Variants in EHBP1 observed in about 807,000 individuals in gnomAD.
The protein encoded by EHBP1 is EH domain-binding protein 1.
Under a neutral mutation model 144.0 loss-of-function variants are expected in EHBP1, and 55 were observed. The ratio of observed to expected loss-of-function variants is 0.38; its 90% CI spans 0.31 to 0.48. The LOEUF is 0.48. Among genes scored for constraint, EHBP1 ranks in the 20% least tolerant of loss-of-function variants. The pLI, the probability that EHBP1 is intolerant of heterozygous loss-of-function variation, is 0.98. For synonymous variants in EHBP1, 469 were observed against 472.7 expected (o/e 0.99, Z 0.10); for missense variants, 1,200 against 1,364.2 (o/e 0.88, Z 1.90).
intron 5 of EHBP1, among the ~76,000 whole-genome samples, chr2:62,791,863 A>G (rs371605234): frequency 6.6e-6 from 1 of 151,996 alleles, no homozygotes; most frequent in Non-Finnish European, 1.5e-5. Context: ...GGTAGTTTAG[A>G]TATCTAGAGA....
intron 1 of EHBP1, among the ~76,000 whole-genome samples, chr2:62,686,466 G>T (rs1315762999): frequency 6.6e-6 from 1 of 152,046 alleles, no homozygotes; most frequent in African/African-American, 2.4e-5. Flanking sequence ...TATCCTGATC[G>T]CTGAAGCTCT....
chr2:62,740,580 A>G (rs768575864), intron 2 of EHBP1, among the ~76,000 whole-genome samples: 5 of 152,196 alleles, frequency 3.3e-5, no homozygotes, highest in Non-Finnish European at 5.9e-5. Context: ...ATGTTCGTTT[A>G]TGGCTAAGAG....
chr2:62,823,324 T>C (rs1257707490), intron 5 of EHBP1, among the ~76,000 whole-genome samples: 9 of 152,154 alleles, frequency 5.9e-5, no homozygotes, highest in Admixed American at 5.9e-4. Context: ...CACTCACTTT[T>C]GTATTGACTC....
intron 10 of EHBP1, among the ~76,000 whole-genome samples, chr2:62,926,399 T>A (rs1044392726): frequency 6.6e-6 from 1 of 152,006 alleles, no homozygotes; most frequent in Non-Finnish European, 1.5e-5. Flanking sequence ...AAAGACAACC[T>A]ACAGAATGGA....
intron 1 of EHBP1, among the ~76,000 whole-genome samples, chr2:62,677,417 A>G (rs1047796982): frequency 6.6e-6 from 1 of 152,034 alleles, no homozygotes; most frequent in Non-Finnish European, 1.5e-5. Flanking sequence ...AGATATTTTG[A>G]TACAGGAATG....
chr2:63,037,171 A>C (rs1467294553), intron 19 of EHBP1, among the ~76,000 whole-genome samples: 2 of 151,944 alleles, frequency 1.3e-5, no homozygotes. Context: ...GAGTCTCATA[A>C]TGATTTTTTA....
intron 1 of EHBP1, among the ~76,000 whole-genome samples, chr2:62,674,991 T>C (rs1019637347): frequency 2.0e-5 from 3 of 152,050 alleles, no homozygotes; most frequent in African/African-American, 7.2e-5. Flanking sequence ...TGAGAATTAG[T>C]GGTCAGAGAG....
intron 4 of EHBP1, among the ~76,000 whole-genome samples, chr2:62,766,520 A>G (rs918665865): frequency 3.9e-5 from 6 of 152,160 alleles, no homozygotes; most frequent in Admixed American, 2.6e-4. Context: ...CCAAAAGCAT[A>G]CTTTATCGAG....
At chr2:62,892,838 C>G (rs1389816356) in intron 10 of EHBP1, among the ~76,000 whole-genome samples, 4 of 152,140 alleles carry the variant, frequency 2.6e-5, no homozygotes, top group African/African-American at 9.6e-5. Context: ...TATATCACAT[C>G]CAAATCATTA....
At chr2:62,742,727 T>G (rs1363622225) in intron 2 of EHBP1, among the ~76,000 whole-genome samples, 3 of 152,096 alleles carry the variant, frequency 2.0e-5, no homozygotes, top group Non-Finnish European at 4.4e-5. Context: ...TATGTTAACT[T>G]AAGACAAAGA....
intron 7 of EHBP1, among the ~76,000 whole-genome samples, chr2:62,849,726 C>T (rs1050663506): frequency 6.6e-6 from 1 of 152,116 alleles, no homozygotes; most frequent in African/African-American, 2.4e-5. Context: ...TTACAACGTA[C>T]ATTAAGTACT....
chr2:63,010,924 C>A (rs1330029519), intron 19 of EHBP1, among the ~76,000 whole-genome samples: 1 of 151,576 alleles, frequency 6.6e-6, no homozygotes, highest in Non-Finnish European at 1.5e-5. Flanking sequence ...TAGAACATTT[C>A]TTTGTACCAG....
chr2:62,825,107 C>A (rs2046251603), intron 5 of EHBP1, among the ~76,000 whole-genome samples: 1 of 151,982 alleles, frequency 6.6e-6, no homozygotes, highest in African/African-American at 2.4e-5. Context: ...TATCAGTAAA[C>A]TACAAGAAAT....
chr2:63,025,586 A>T (rs2060940868), intron 19 of EHBP1, among the ~76,000 whole-genome samples: 1 of 152,162 alleles, frequency 6.6e-6, no homozygotes, highest in African/African-American at 2.4e-5. Flanking sequence ...CTTTGGAGAG[A>T]AGGGAAAGGA....
intron 14 of EHBP1, among the ~76,000 whole-genome samples, chr2:62,962,750 TTATAAA>T: frequency 6.6e-6 from 1 of 152,364 alleles, no homozygotes; most frequent in Middle Eastern, 3.4e-3. Context: ...ATCAGTGAAT[TTATAAA>T]TATGTTTGTT....
chr2:62,994,044 T>A (rs2059530915), intron 18 of EHBP1, 67 bp downstream of exon 18: 1 of 1,113,260 alleles, frequency 9.0e-7, no homozygotes, highest in Admixed American at 2.5e-5. Context: ...AAATAGTGCC[T>A]TTATTTGTTA....
At position 62,817,469 on chromosome 2, in the gene EHBP1, G is replaced by A. The variant is rs149944039; in HGVS notation, c.313-8618G>A. Among the ~76,000 whole-genome samples, 508 of 152,230 alleles carry A rather than the reference G, an allele frequency of 3.3e-3. 2 individuals carry two copies. Among genetic ancestry groups the A allele is most frequent in the Middle Eastern group, 0.017 (5 of 294 alleles). On this transcript the variant is annotated intron_variant, in intron 5 of 22. Transcript: ENST00000431489. ...GTATATTGGGGCAGAAAAAAAGATG[G>A]AACAATAGCATAGTAGATAAGATCA...
chr2:62,688,075 AT>A (rs1558508980), intron 1 of EHBP1, among the ~76,000 whole-genome samples: 23 of 152,222 alleles, frequency 1.5e-4, no homozygotes, highest in African/African-American at 5.5e-4. Context: ...GCAAAGTGAT[AT>A]ATCCAGTAGT....
At position 62,811,221 on chromosome 2, in the gene EHBP1, T is replaced by A. The variant is rs2044977420; in HGVS notation, c.313-14866T>A. On this transcript the variant is annotated intron_variant, in intron 5 of 22. Coordinates refer to ENST00000431489, the MANE Select transcript of EHBP1 (RefSeq NM_001142616.3). ...CATCCGACCATCTAAGTTGGTTATT[T>A]TAGCTGATATGGTTTCTAATTAAGT... Among the ~76,000 whole-genome samples the A allele has an allele frequency of 2.0e-5, 3 of 152,242 alleles. No individual in the cohort carries two copies. The South Asian group carries it at 6.2e-4, about 31-fold the overall frequency.
Sources: allele counts gnomAD v4.1 joint callset (sites outside exome capture counted in the v4.1 genomes callset), GRCh38; gene constraint gnomAD v4.1.1; transcripts MANE v1.5; gene names NCBI Gene and HGNC (gene_info 2026-07-23, HGNC 2026-07-21).